Variants in ZNF280C observed in about 807,000 individuals in gnomAD.
ZNF280C encodes zinc finger protein 280C, also known as suppressor of hairy wing homolog 3.
ZNF280C carries 14 observed loss-of-function variants against 53.6 expected under a neutral mutation model. That is an observed-to-expected ratio of 0.26 (90% CI 0.17 to 0.41). The LOEUF is 0.41. Among genes scored for constraint, ZNF280C ranks in the 10% least tolerant of loss-of-function variants. The pLI is 1.00. For missense variants in ZNF280C, 416 were observed against 547.1 expected (o/e 0.76, Z 2.39); for synonymous variants, 203 against 181.1 (o/e 1.12, Z -0.97).
intron 15 of ZNF280C, among the ~76,000 whole-genome samples, 154 bp from the exon 16 acceptor site, chrX:130,209,869 C>T (rs2032022606): frequency 3.6e-5 from 4 of 112,030 alleles, no homozygotes; most frequent in Non-Finnish European, 5.6e-5. Context: ...AAGCTATAAT[C>T]TGAATTTCTG....
At chrX:130,267,368 T>C (rs1255764848) in intron 1 of ZNF280C, among the ~76,000 whole-genome samples, 2 of 111,764 alleles carry the variant, frequency 1.8e-5, no homozygotes, top group African/African-American at 6.5e-5. Flanking sequence ...TCCTTGCTTA[T>C]TCTCCGTGAC....
intron 2 of ZNF280C, among the ~76,000 whole-genome samples, chrX:130,259,623 A>G (rs1193906290): frequency 8.9e-6 from 1 of 112,700 alleles, no homozygotes; most frequent in Admixed American, 9.4e-5. Flanking sequence ...TGGGGATGAG[A>G]AGGAAACATT....
intron 2 of ZNF280C, among the ~76,000 whole-genome samples, chrX:130,257,399 T>C (rs755210726): frequency 1.8e-5 from 2 of 111,269 alleles, no homozygotes; most frequent in Non-Finnish European, 3.8e-5. Flanking sequence ...TCACTGAATA[T>C]GATTTACTGA....
At chrX:130,225,348 C>T (rs768324298) in intron 12 of ZNF280C, among the ~76,000 whole-genome samples, 1 of 110,277 alleles carries the variant, frequency 9.1e-6, no homozygotes, top group East Asian at 2.8e-4. Flanking sequence ...GTTTCCCAAA[C>T]TCTATACCTC....
chrX:130,241,164 A>C (rs1019406824), intron 5 of ZNF280C, among the ~76,000 whole-genome samples: 1 of 111,801 alleles, frequency 8.9e-6, no homozygotes, highest in African/African-American at 3.3e-5. Flanking sequence ...TACTCACTTT[A>C]AAAGAGATAA....
chrX:130,228,349 T>C (rs1202139043), intron 10 of ZNF280C, among the ~76,000 whole-genome samples: 2 of 108,820 alleles, frequency 1.8e-5, no homozygotes, highest in African/African-American at 6.7e-5. Flanking sequence ...AATGGTGCCA[T>C]CTCGGCTCAC....
Position 130,204,844 on chromosome X carries a change from T to C in ZNF280C, c.*133A>G. 1 of 482,526 alleles carries C rather than the reference T, an allele frequency of 2.1e-6. No homozygotes were observed. Among genetic ancestry groups the C allele is most frequent in the Non-Finnish European group, 3.2e-6 (1 of 308,077 alleles). The allele number at this position is 482,526 out of a possible 1,213,427, so 39.8% of individuals were successfully genotyped here. A position where few individuals can be genotyped will look rare whatever the true frequency, so the allele number is the denominator to read the frequency against. On this transcript the variant is annotated 3_prime_UTR_variant, in exon 19 of 19. Transcript: ENST00000370978. Reference sequence around the variant, plus strand: ...GTGGCATCTGAAAGCTGAAAAGAGCTGAATAATGAGAGCTAGTGTCATAAA... The same window carrying C: ...GTGGCATCTGAAAGCTGAAAAGAGCCGAATAATGAGAGCTAGTGTCATAAA...
intron 12 of ZNF280C, among the ~76,000 whole-genome samples, chrX:130,224,912 T>A (rs1268015457): frequency 8.9e-6 from 1 of 111,817 alleles, no homozygotes; most frequent in African/African-American, 3.3e-5. Context: ...ACCACTCTTA[T>A]CAGTTAATAA....
intron 1 of ZNF280C, among the ~76,000 whole-genome samples, chrX:130,263,868 T>C (rs1033818396): frequency 2.8e-5 from 3 of 108,230 alleles, no homozygotes; most frequent in African/African-American, 1.0e-4. Context: ...CTACTAAAAA[T>C]ATAAAAATTA....
chrX:130,251,573 C>A (rs1448243721), intron 2 of ZNF280C, among the ~76,000 whole-genome samples: 1 of 111,121 alleles, frequency 9.0e-6, no homozygotes, highest in Admixed American at 9.6e-5. Flanking sequence ...GATAACCTGA[C>A]AAGTTTCACA....
At chrX:130,255,133 T>C (rs1186364372) in intron 2 of ZNF280C, among the ~76,000 whole-genome samples, 2 of 105,787 alleles carry the variant, frequency 1.9e-5, no homozygotes, top group Non-Finnish European at 3.9e-5. Context: ...ATCATTTTCT[T>C]TTTTTTTCTT....
At chrX:130,226,994 G>T in intron 11 of ZNF280C, 89 bp from the exon 12 acceptor site, 2 of 856,452 alleles carry the variant, frequency 2.3e-6, no homozygotes, top group South Asian at 2.6e-5. Flanking sequence ...TCATCTGTTT[G>T]GAAGAACATG....
chrX:130,216,542 T>C (rs1483688334), intron 13 of ZNF280C, among the ~76,000 whole-genome samples: 2 of 111,986 alleles, frequency 1.8e-5, no homozygotes, highest in African/African-American at 6.5e-5. Context: ...GTCCACGTCA[T>C]TAGTCACCAG....
rs1167405957 is a variant in ZNF280C, at chrX:130,243,877, T to C, written c.179-12A>G. 9.5e-7 allele frequency: 1 copy of C among 1,053,022 alleles called. No homozygotes were observed. The highest frequency in any genetic ancestry group is 3.4e-5 in the East Asian group (1 of 29,535). 86.8% of individuals were successfully genotyped at this position (1,053,022 alleles called of 1,213,427 possible). Reference sequence around the variant, plus strand: ...TCTGTTCAAAATATCTATAAAATTATATTTATTTTAAAATTTGTTATGTGA... The same window carrying C: ...TCTGTTCAAAATATCTATAAAATTACATTTATTTTAAAATTTGTTATGTGA... On this transcript the variant is annotated splice_polypyrimidine_tract_variant and intron_variant, in intron 3 of 18. Transcript: ENST00000370978.
At chrX:130,217,746 AT>A (rs1432166988) in intron 13 of ZNF280C, among the ~76,000 whole-genome samples, 1 of 112,905 alleles carries the variant, frequency 8.9e-6, no homozygotes, top group Non-Finnish European at 1.9e-5. Context: ...TTATCTTGAT[AT>A]TTACTTACTG....
chrX:130,264,024 C>CAA (rs538734296), intron 1 of ZNF280C, among the ~76,000 whole-genome samples: 1,336 of 24,012 alleles, frequency 0.056, 73 homozygotes, highest in African/African-American at 0.18. Context: ...GACACCATCT[C>CAA]AAAAAAAAAA....
rs1424738340 is a variant in ZNF280C at position 130,204,791 on chromosome X, C to T, written c.*186G>A. On this transcript the variant is annotated 3_prime_UTR_variant, in exon 19 of 19. Transcript: ENST00000370978. ...AATATGTTAAGATATGTTAACCTGACGCAAAGATAAGGTGGAATAACAATG... is the reference window on the plus strand; with the variant it reads ...AATATGTTAAGATATGTTAACCTGATGCAAAGATAAGGTGGAATAACAATG... The T allele has an allele frequency of 8.4e-6, 3 of 356,353 alleles. No homozygotes were observed. The highest frequency in any genetic ancestry group is 4.5e-5 in the Admixed American group (1 of 22,338). 29.4% of individuals were successfully genotyped at this position (356,353 alleles called of 1,213,427 possible).
rs762854852 is a variant in ZNF280C, at chrX:130,223,434, C to T, written c.1396-2954G>A. ...AATGTCAATGTGGAATATGAGTCTGCGGTGGAAGCTTGGGCTATAAATCAA... is the reference window on the plus strand; with the variant it reads ...AATGTCAATGTGGAATATGAGTCTGTGGTGGAAGCTTGGGCTATAAATCAA... On this transcript the variant is annotated intron_variant, in intron 12 of 18. Transcript: ENST00000370978. 1.2e-4 allele frequency among the ~76,000 whole-genome samples: 13 copies of T among 111,940 alleles called. No individual in the cohort carries two copies. The South Asian group carries it at 3.8e-3, about 33-fold the overall frequency.
At chrX:130,251,282 CAAAAAAAA>C (rs61571389) in intron 2 of ZNF280C, among the ~76,000 whole-genome samples, 4 of 15,357 alleles carry the variant, frequency 2.6e-4, no homozygotes, top group African/African-American at 1.5e-3. Flanking sequence ...GGACCTGTCT[CAAAAAAAA>C]AAAAAAAAAA....
Sources: gnomAD v4.1 joint callset for allele counts (sites outside exome capture counted in the v4.1 genomes callset) on GRCh38, gnomAD v4.1.1 for gene constraint, MANE v1.5 for transcripts, NCBI Gene and HGNC (gene_info 2026-07-23, HGNC 2026-07-21) for gene names.